LRRC63: variants seen among roughly 807,000 people sequenced by gnomAD.
The protein encoded by LRRC63 is leucine rich repeat containing 63.
A neutral mutation model predicts 49.5 loss-of-function variants in LRRC63; 40 were observed. The ratio of observed to expected loss-of-function variants is 0.81; its 90% CI spans 0.63 to 1.05. The LOEUF (loss-of-function observed/expected upper bound fraction) is 1.05, where lower values mean the gene tolerates loss of function less well. LRRC63 is among the 50% of genes least tolerant of loss of function. The pLI is 0.00. For missense variants in LRRC63, 636 were observed against 663.1 expected (o/e 0.96, Z 0.45); for synonymous variants, 191 against 221.1 (o/e 0.86, Z 1.21).
At chr13:46,270,563 C>T (rs1248385760) in intron 9 of LRRC63, 1 of 869,344 alleles carries the variant, frequency 1.2e-6, no homozygotes, top group Admixed American at 1.7e-5. Context: ...GTTACTGACA[C>T]AAAAACGGTA....
intron 9 of LRRC63, among the ~76,000 whole-genome samples, chr13:46,270,965 T>G (rs2047749861): frequency 6.6e-6 from 1 of 152,200 alleles, no homozygotes; most frequent in South Asian, 2.1e-4. Flanking sequence ...AGTAGCTAAG[T>G]AAAAATAATT....
At chr13:46,225,192 G>T (rs1462349660) in intron 2 of LRRC63, among the ~76,000 whole-genome samples, 1 of 152,226 alleles carries the variant, frequency 6.6e-6, no homozygotes. Context: ...TGTGCTACAG[G>T]TCACCACCCA....
At chr13:46,232,374 C>T (rs150155442) in intron 4 of LRRC63, among the ~76,000 whole-genome samples, 1 of 152,314 alleles carries the variant, frequency 6.6e-6, no homozygotes, top group Admixed American at 6.5e-5. Flanking sequence ...CCAAGAAACA[C>T]AGTAGAAAAC....
intron 4 of LRRC63, among the ~76,000 whole-genome samples, chr13:46,230,288 G>T (rs1486377845): frequency 2.6e-5 from 4 of 152,168 alleles, no homozygotes; most frequent in South Asian, 2.1e-4. Context: ...GTGAGACAAG[G>T]CATGTCCCTT....
At chr13:46,244,828 A>G (rs962025586) in intron 5 of LRRC63, among the ~76,000 whole-genome samples, 5 of 152,218 alleles carry the variant, frequency 3.3e-5, no homozygotes, top group Admixed American at 6.5e-5. Context: ...ACAGAAAACA[A>G]GTACCAAAAT....
At chr13:46,234,077 G>A in intron 4 of LRRC63, 115 bp from the exon 5 acceptor site, 2 of 956,724 alleles carry the variant, frequency 2.1e-6, no homozygotes, top group South Asian at 1.8e-5. Flanking sequence ...CAGAGGATGT[G>A]TACACTTAAG....
chr13:46,246,335 A>G (rs918514587), intron 5 of LRRC63, among the ~76,000 whole-genome samples, 192 bp from the exon 6 acceptor site: 1 of 152,134 alleles, frequency 6.6e-6, no homozygotes, highest in South Asian at 2.1e-4. Flanking sequence ...CTTTGCTTCT[A>G]TCTTTTACAT....
At chr13:46,266,484 A>G (rs2047685897) in intron 8 of LRRC63, among the ~76,000 whole-genome samples, 1 of 152,220 alleles carries the variant, frequency 6.6e-6, no homozygotes, top group Non-Finnish European at 1.5e-5. Flanking sequence ...TAGTGATGAC[A>G]TATTGCAAAA....
intron 7 of LRRC63, among the ~76,000 whole-genome samples, chr13:46,254,797 G>A (rs922348966): frequency 2.6e-5 from 4 of 152,262 alleles, no homozygotes; most frequent in East Asian, 3.9e-4. Flanking sequence ...ATGGTGACAC[G>A]AATCTGCATT....
At chr13:46,218,949 T>C (rs1948304080) in intron 2 of LRRC63, among the ~76,000 whole-genome samples, 1 of 152,216 alleles carries the variant, frequency 6.6e-6, no homozygotes, top group African/African-American at 2.4e-5. Flanking sequence ...TTCTGGTTTG[T>C]AGCGTTTCTG....
At chr13:46,269,304 T>G (rs61949192) in intron 9 of LRRC63, among the ~76,000 whole-genome samples, 3 of 151,770 alleles carry the variant, frequency 2.0e-5, no homozygotes, top group Admixed American at 2.0e-4. Flanking sequence ...TGGTATTAAG[T>G]GCAAGGAAAG....
chr13:46,242,233 A>G (rs933262530), intron 5 of LRRC63, among the ~76,000 whole-genome samples: 3 of 152,176 alleles, frequency 2.0e-5, no homozygotes, highest in Non-Finnish European at 4.4e-5. Context: ...CAAATATTGT[A>G]TGTTCTCATT....
At chr13:46,243,015 C>T (rs1364361718) in intron 5 of LRRC63, among the ~76,000 whole-genome samples, 2 of 152,100 alleles carry the variant, frequency 1.3e-5, no homozygotes, top group African/African-American at 4.8e-5. Flanking sequence ...TAGACAAATT[C>T]AGAATATATT....
chr13:46,266,919 A>T (rs1459005785), exon 9 of LRRC63: 1 of 1,548,102 alleles, frequency 6.5e-7, no homozygotes, highest in Non-Finnish European at 8.7e-7. Flanking sequence ...TCCAAAATAA[A>T]CTACATAAAT....
chr13:46,226,095 CACCT>C (rs2046567609), intron 2 of LRRC63, among the ~76,000 whole-genome samples: 2 of 152,058 alleles, frequency 1.3e-5, no homozygotes, highest in Non-Finnish European at 2.9e-5. Context: ...GGTACCCTCC[CACCT>C]CAGCCTTCTG....
At chr13:46,220,661 A>C (rs999668074) in intron 2 of LRRC63, among the ~76,000 whole-genome samples, 2 of 151,552 alleles carry the variant, frequency 1.3e-5, no homozygotes, top group Non-Finnish European at 1.5e-5. Flanking sequence ...AAAAAAAAAA[A>C]AAAACTCCAG....
At chr13:46,243,403 G>A (rs1281824061) in intron 5 of LRRC63, among the ~76,000 whole-genome samples, 1 of 152,064 alleles carries the variant, frequency 6.6e-6, no homozygotes, top group Non-Finnish European at 1.5e-5. Flanking sequence ...CACACAATAA[G>A]CAGAAAATGA....
chr13:46,255,277 G>A (rs1249951118), intron 7 of LRRC63, among the ~76,000 whole-genome samples: 14 of 152,110 alleles, frequency 9.2e-5, no homozygotes, highest in Non-Finnish European at 1.5e-5. Context: ...GCAGAGAGGG[G>A]AGAATTGGGA....
chr13:46,254,541 C>G (rs2047461654), intron 7 of LRRC63, among the ~76,000 whole-genome samples: 1 of 151,990 alleles, frequency 6.6e-6, no homozygotes, highest in South Asian at 2.1e-4. Context: ...GGTAAGAAAA[C>G]AGGAAATTCA....
Sources: allele counts gnomAD v4.1 joint callset (sites outside exome capture counted in the v4.1 genomes callset), GRCh38; gene constraint gnomAD v4.1.1; transcripts MANE v1.5; gene names NCBI Gene and HGNC (gene_info 2026-07-23, HGNC 2026-07-21).